Variants in ARHGAP31 observed in about 807,000 individuals in gnomAD.
ARHGAP31 encodes rho GTPase-activating protein 31.
In ARHGAP31, 34 loss-of-function variants were observed where a neutral mutation model predicts 113.9. The ratio of observed to expected loss-of-function variants is 0.30; its 90% CI spans 0.23 to 0.40. The LOEUF (loss-of-function observed/expected upper bound fraction) is 0.40. ARHGAP31 is among the 10% of genes least tolerant of loss of function. The pLI, the probability that ARHGAP31 is intolerant of heterozygous loss-of-function variation, is 1.00. For missense variants in ARHGAP31, 1,548 were observed against 1,767.1 expected (o/e 0.88, Z 2.22); for synonymous variants, 650 against 684.8 (o/e 0.95, Z 0.79).
In ARHGAP31 at chr3:119,414,970, A is replaced by G. The variant is rs1369914819; in HGVS notation, c.3041A>G (p.Lys1014Arg). 6.2e-6 allele frequency: 10 copies of G among 1,614,146 alleles called. No homozygotes were observed. Among genetic ancestry groups the G allele is most frequent in the Non-Finnish European group, 8.5e-6 (10 of 1,180,018 alleles). Residue 1014 changes from lysine to arginine, a missense_variant, in exon 12 of 12, where the codon AAA (lysine) becomes AGA (arginine). Physicochemically the swap from Lys to Arg is conservative, Grantham distance 26 (BLOSUM62 2). Coordinates refer to ENST00000264245, the MANE Select transcript of ARHGAP31 (RefSeq NM_020754.4). ...LRSFREFSGL[K>R]GAEAPPNQKG... Reference sequence around the variant, plus strand: ...TCCTTCAGAGAGTTCTCTGGCCTGAAAGGGGCAGAGGCTCCTCCCAACCAG... The same window carrying G: ...TCCTTCAGAGAGTTCTCTGGCCTGAGAGGGGCAGAGGCTCCTCCCAACCAG...
At position 119,305,542 on chromosome 3, in the gene ARHGAP31, C is replaced by G. The variant is rs1184543109; in HGVS notation, c.100+10538C>G. ...ACAATGCATATTTTTGTTCCTCTTTCTGGCTTTTGTCTTGCTGTTCTGCTA... is the reference window on the plus strand; with the variant it reads ...ACAATGCATATTTTTGTTCCTCTTTGTGGCTTTTGTCTTGCTGTTCTGCTA... On this transcript the variant is annotated intron_variant, in intron 1 of 11. Coordinates refer to ENST00000264245, the MANE Select transcript of ARHGAP31 (RefSeq NM_020754.4). Among the ~76,000 whole-genome samples, 5 of 152,314 alleles carry G rather than the reference C, an allele frequency of 3.3e-5. No individual in the cohort carries two copies. The East Asian group carries it at 9.6e-4, about 29-fold the overall frequency.
At chr3:119,322,069 T>C (rs2079792684) in intron 1 of ARHGAP31, among the ~76,000 whole-genome samples, 1 of 152,206 alleles carries the variant, frequency 6.6e-6, no homozygotes, top group Admixed American at 6.5e-5. Flanking sequence ...GTGAGGCATA[T>C]GGCTCTTTTG....
At chr3:119,341,079 G>GA (rs1245796179) in intron 1 of ARHGAP31, among the ~76,000 whole-genome samples, 1 of 152,074 alleles carries the variant, frequency 6.6e-6, no homozygotes, top group Non-Finnish European at 1.5e-5. Flanking sequence ...TTTGCTGAAT[G>GA]AAAAAAATGA....
At position 119,402,366 on chromosome 3, in the gene ARHGAP31, A is replaced by G. The variant is rs61744411; in HGVS notation, c.1614A>G (p.Glu538=). Residue 538 remains glutamate, a synonymous_variant, in exon 10 of 12, where the codon GAA becomes GAG. Transcript: ENST00000264245. ...HGSESGGWPE[E]EKPLGAETSA... ...CAGAGAGCGGAGGCTGGCCAGAAGA[A>G]GAGAAACCGCTGGGAGCTGAGACTT... 3.8e-3 allele frequency: 6,053 copies of G among 1,613,596 alleles called. 160 individuals carry two copies. In the African/African-American group the frequency reaches 0.065, roughly 17 times the overall value.
At chr3:119,379,767 A>C (rs1455775480) in intron 3 of ARHGAP31, among the ~76,000 whole-genome samples, 1 of 152,166 alleles carries the variant, frequency 6.6e-6, no homozygotes, top group African/African-American at 2.4e-5. Context: ...ACATATGAAA[A>C]AAACTCATGG....
intron 1 of ARHGAP31, among the ~76,000 whole-genome samples, 187 bp downstream of exon 1, chr3:119,295,191 G>A (rs2079522323): frequency 6.6e-6 from 1 of 150,816 alleles, no homozygotes; most frequent in South Asian, 2.1e-4. Flanking sequence ...CAGCGCTGCT[G>A]TCCCGACGCG....
chr3:119,399,656 C>T (rs1237287190), intron 9 of ARHGAP31, among the ~76,000 whole-genome samples: 1 of 152,274 alleles, frequency 6.6e-6, no homozygotes, highest in Non-Finnish European at 1.5e-5. Flanking sequence ...GCCTATGTAT[C>T]TTGAACTTGG....
At chr3:119,312,705 C>T (rs2079693505) in intron 1 of ARHGAP31, among the ~76,000 whole-genome samples, 1 of 152,190 alleles carries the variant, frequency 6.6e-6, no homozygotes, top group South Asian at 2.1e-4. Context: ...AGTTATCAGT[C>T]TAGACAGATT....
At chr3:119,356,810 G>C (rs944571521) in intron 1 of ARHGAP31, among the ~76,000 whole-genome samples, 1 of 152,092 alleles carries the variant, frequency 6.6e-6, no homozygotes, top group Non-Finnish European at 1.5e-5. Flanking sequence ...GCAACCTGCT[G>C]TTGATGACAA....
At chr3:119,298,610 C>A (rs1460713583) in intron 1 of ARHGAP31, 1 of 152,168 alleles carries the variant, frequency 6.6e-6, no homozygotes, top group Admixed American at 6.5e-5. Flanking sequence ...CTCCTCTGAG[C>A]AATCTTTGTT....
At chr3:119,385,396 G>T (rs2080440656) in intron 6 of ARHGAP31, among the ~76,000 whole-genome samples, 1 of 152,064 alleles carries the variant, frequency 6.6e-6, no homozygotes, top group African/African-American at 2.4e-5. Flanking sequence ...TATGTATAAT[G>T]CTGCTGTGAA....
At position 119,337,720 on chromosome 3, in the gene ARHGAP31, A is replaced by C. The variant is rs946948774; in HGVS notation, c.101-27596A>C. On this transcript the variant is annotated intron_variant, in intron 1 of 11. Transcript: ENST00000264245. Reference sequence around the variant, plus strand: ...ACCTTTAGCTAGACACAGAGCACTGACTGGTGCATTTACAGTCCTTTAGCT... The same window carrying C: ...ACCTTTAGCTAGACACAGAGCACTGCCTGGTGCATTTACAGTCCTTTAGCT... Among the ~76,000 whole-genome samples the C allele has an allele frequency of 1.5e-4, 23 of 152,206 alleles. 1 individual carries two copies. Among genetic ancestry groups the C allele is most frequent in the Admixed American group, 1.4e-3 (21 of 15,290 alleles).
At position 119,352,995 on chromosome 3, in the gene ARHGAP31, A is replaced by T. The variant is rs148257531; in HGVS notation, c.101-12321A>T. ...AAAAGAAAGTGTATGACATTTACTAAGTACTTATTATATGCTAGGCACTTA... is the reference window on the plus strand; with the variant it reads ...AAAAGAAAGTGTATGACATTTACTATGTACTTATTATATGCTAGGCACTTA... On this transcript the variant is annotated intron_variant, in intron 1 of 11. Transcript: ENST00000264245. 3.2e-3 allele frequency among the ~76,000 whole-genome samples: 483 copies of T among 152,312 alleles called. 4 individuals carry two copies. Among genetic ancestry groups the T allele is most frequent in the African/African-American group, 0.011 (468 of 41,570 alleles).
intron 1 of ARHGAP31, among the ~76,000 whole-genome samples, chr3:119,331,529 T>C (rs1181227360): frequency 1.3e-5 from 2 of 152,094 alleles, no homozygotes; most frequent in African/African-American, 4.8e-5. Context: ...GAAGAAGGTG[T>C]ATATATAGTA....
chr3:119,382,530 A>G, intron 5 of ARHGAP31, 131 bp downstream of exon 5: 1 of 815,298 alleles, frequency 1.2e-6, no homozygotes, highest in Non-Finnish European at 1.9e-6. Context: ...CATTTATAGC[A>G]CATATGAATT....
At chr3:119,399,938 T>G (rs2080585183) in intron 9 of ARHGAP31, among the ~76,000 whole-genome samples, 1 of 152,176 alleles carries the variant, frequency 6.6e-6, no homozygotes, top group Admixed American at 6.5e-5. Context: ...CCTGTATCTC[T>G]CTCTTCTATT....
At chr3:119,382,999 T>G in intron 5 of ARHGAP31, 85 bp from the exon 6 acceptor site, 1 of 1,510,298 alleles carries the variant, frequency 6.6e-7, no homozygotes. Flanking sequence ...GAGATGAGCC[T>G]TGTGCAAAAG....
rs1940406807 is a variant in ARHGAP31 at position 119,413,875 on chromosome 3, A to G, written c.1946A>G (p.Asn649Ser). The change falls in exon 12 of 12, where the codon AAT becomes AGT. Residue 649 changes from asparagine (N) to serine (S), a missense_variant. Physicochemically the swap from Asn to Ser is conservative, Grantham distance 46 (BLOSUM62 1). Transcript: ENST00000264245. ...TTTCAGGATGAAGATGATCTGGCCA[A>G]TGCCCTGATCTGGCCTGAGATTCAA... ...LHEMDEDDLA[N>S]ALIWPEIQQE... is the part of the protein sequence containing the mutation. The G allele has an allele frequency of 6.2e-7, 1 of 1,614,216 alleles. No individual in the cohort carries two copies. The highest frequency in any genetic ancestry group is 1.3e-5 in the African/African-American group (1 of 75,054).
chr3:119,418,325 A>C lies in ARHGAP31; in HGVS notation c.*2061A>C, dbSNP rs756894590. 6.6e-6 allele frequency: 1 copy of C among 152,214 alleles called. No individual in the cohort carries two copies. Among genetic ancestry groups the C allele is most frequent in the Non-Finnish European group, 1.5e-5 (1 of 68,046 alleles). The allele number at this position is 152,214 out of a possible 1,614,324, so 9.4% of individuals were successfully genotyped here. ...TTTTCCCCAGGCCAGCAAAGTGAAG[A>C]AATACAGTGGTGACAGATGAGAAAG... On this transcript the variant is annotated 3_prime_UTR_variant, in exon 12 of 12. Transcript: ENST00000264245.
Sources: allele counts gnomAD v4.1 joint callset (sites outside exome capture counted in the v4.1 genomes callset), GRCh38; gene constraint gnomAD v4.1.1; transcripts MANE v1.5; gene names NCBI Gene and HGNC (gene_info 2026-07-23, HGNC 2026-07-21).